Variants in SEMA5B observed in about 807,000 individuals in gnomAD.
SEMA5B encodes semaphorin-5B.
A neutral mutation model predicts 135.0 loss-of-function variants in SEMA5B; 66 were observed. The observed-to-expected ratio is 0.49, with a 90% CI of 0.40 to 0.60. The LOEUF (loss-of-function observed/expected upper bound fraction) is 0.60, where lower values mean the gene tolerates loss of function less well. Among genes scored for constraint, SEMA5B ranks in the 20% least tolerant of loss-of-function variants. The pLI, the probability that SEMA5B is intolerant of heterozygous loss-of-function variation, is 0.00. For synonymous variants in SEMA5B, 690 were observed against 639.5 expected, an observed-to-expected ratio of 1.08 and a Z score of -1.19; for missense variants, 1,501 against 1,566.3, an observed-to-expected ratio of 0.96 and a Z score of 0.70.
At chr3:122,973,821 G>A (rs1442948102) in intron 1 of SEMA5B, among the ~76,000 whole-genome samples, 1 of 152,136 alleles carries the variant, frequency 6.6e-6, no homozygotes, top group Non-Finnish European at 1.5e-5. Flanking sequence ...GGGAAGGGCA[G>A]AGAGGGAGGA....
At chr3:122,988,602 G>C (rs1356310539) in intron 1 of SEMA5B, among the ~76,000 whole-genome samples, 3 of 152,174 alleles carry the variant, frequency 2.0e-5, no homozygotes, top group Non-Finnish European at 4.4e-5. Context: ...GCCAGCCCTG[G>C]GGAGCACAGA....
upstream of SEMA5B, among the ~76,000 whole-genome samples, chr3:123,028,088 C>T (rs1360112162): frequency 6.6e-6 from 1 of 152,178 alleles, no homozygotes; most frequent in Non-Finnish European, 1.5e-5. Context: ...CCCGCCTTGC[C>T]GTTCTCGGTC....
At chr3:122,999,970 G>A (rs1942130055) in intron 1 of SEMA5B, among the ~76,000 whole-genome samples, 1 of 152,228 alleles carries the variant, frequency 6.6e-6, no homozygotes, top group Non-Finnish European at 1.5e-5. Flanking sequence ...AGCACTTTGG[G>A]AGGCTGAGGC....
chr3:122,912,787 G>T, intron 18 of SEMA5B, 56 bp downstream of exon 18: 1 of 1,459,824 alleles, frequency 6.9e-7, no homozygotes, highest in South Asian at 1.3e-5. Flanking sequence ...CGGGGAAGGG[G>T]GCCTCCAGGA....
rs77147011 is a variant in SEMA5B, at chr3:122,953,260, C to T, written c.125-4551G>A. 4.1e-4 allele frequency among the ~76,000 whole-genome samples: 62 copies of T among 152,266 alleles called. No homozygotes were observed. In the East Asian group the frequency reaches 8.7e-3, roughly 21 times the overall value. ...ACCTGTGCTCCCTTCCCAGGCCTCT[C>T]TGCCTCCCCGCCCCAGGTCTGACCA... On this transcript the variant is annotated intron_variant, in intron 2 of 22. Coordinates refer to ENST00000357599, the MANE Select transcript of SEMA5B (RefSeq NM_001031702.4).
intron 5 of SEMA5B, among the ~76,000 whole-genome samples, chr3:122,938,864 A>G (rs1263218245): frequency 1.3e-5 from 2 of 152,254 alleles, no homozygotes; most frequent in African/African-American, 4.8e-5. Context: ...AACGCCTCTC[A>G]GAGCACTTAG....
At chr3:122,956,315 G>A (rs942819807) in intron 2 of SEMA5B, among the ~76,000 whole-genome samples, 2 of 152,230 alleles carry the variant, frequency 1.3e-5, no homozygotes, top group African/African-American at 4.8e-5. Context: ...GCGTGTGAAT[G>A]CACGCGCATG....
At chr3:122,925,453 G>T (rs932553757) in intron 9 of SEMA5B, among the ~76,000 whole-genome samples, 4 of 152,058 alleles carry the variant, frequency 2.6e-5, no homozygotes, top group African/African-American at 9.7e-5. Flanking sequence ...CAGATCACGA[G>T]GTCAGGAGAT....
At chr3:122,972,623 G>T (rs1206196387) in intron 1 of SEMA5B, among the ~76,000 whole-genome samples, 4 of 152,250 alleles carry the variant, frequency 2.6e-5, no homozygotes, top group Non-Finnish European at 5.9e-5. Context: ...GCACTGGGGA[G>T]AGAGACCCCC....
rs1451581789 is a variant in SEMA5B at position 122,929,734 on chromosome 3, C to T, written c.475-676G>A. ...CCACCCCCACTGTCTGCACTTTCCTCCCAGCTTCCCTGGTAGCATCACTCA... is the reference window on the plus strand; with the variant it reads ...CCACCCCCACTGTCTGCACTTTCCTTCCAGCTTCCCTGGTAGCATCACTCA... On this transcript the variant is annotated intron_variant, in intron 5 of 22. Coordinates refer to ENST00000357599, the MANE Select transcript of SEMA5B (RefSeq NM_001031702.4). 1.6e-4 allele frequency among the ~76,000 whole-genome samples: 25 copies of T among 152,162 alleles called. 1 individual carries two copies. Among genetic ancestry groups the T allele is most frequent in the Admixed American group, 1.6e-3 (25 of 15,276 alleles).
In SEMA5B at chr3:122,913,285, G is replaced by A. The variant is rs754616198; in HGVS notation, c.2420C>T (p.Ala807Val). Residue 807 changes from alanine to valine, a missense_variant, in exon 17 of 23, where the codon GCA becomes GTA. This residue lies in a region of SEMA5B where 927 missense variants were observed against 881.6 expected (regional missense o/e 1.05). Transcript: ENST00000357599. ...RFRFTCRAPLADPHGLQFGRR... is the reference protein window; with the variant it reads ...RFRFTCRAPLVDPHGLQFGRR... ...GCCGAACTGCAGGCCGTGCGGGTCT[G>A]CAAGGGGCGCGCGGCAGGTGAAGCG... 3.2e-6 allele frequency: 5 copies of A among 1,583,098 alleles called. No individual in the cohort carries two copies. In the Admixed American group the frequency reaches 8.7e-5, roughly 27 times the overall value.
intron 1 of SEMA5B, among the ~76,000 whole-genome samples, chr3:122,990,302 G>T (rs1393070802): frequency 6.6e-6 from 1 of 152,084 alleles, no homozygotes; most frequent in Non-Finnish European, 1.5e-5. Context: ...TGGAAAGAAG[G>T]GCGATACCTT....
chr3:122,924,089 A>G (rs186243758), intron 9 of SEMA5B, among the ~76,000 whole-genome samples: 19 of 152,292 alleles, frequency 1.2e-4, no homozygotes, highest in Admixed American at 1.2e-3. Context: ...ACTCAGTATA[A>G]TATGCACACA....
intron 1 of SEMA5B, chr3:122,993,281 G>T (rs1420795945): frequency 1.3e-5 from 2 of 152,388 alleles, no homozygotes; most frequent in African/African-American, 4.8e-5. Context: ...ACTGGAAGCA[G>T]CTCGCAGCAC....
Position 122,928,595 on chromosome 3 carries a change from C to A in SEMA5B, c.558G>T (p.Val186=). The A allele has an allele frequency of 3.8e-6, 6 of 1,558,484 alleles. No homozygotes were observed. The highest frequency in any genetic ancestry group is 4.3e-6 in the Non-Finnish European group (5 of 1,150,486). The part of the protein sequence containing the change: ...GKTEEECQNY[V]RVLIVAGRKV... ...TCCGGCCGGCGACGATCAGGACTCG[C>A]ACGTAGTTCTGACACTCCTCCTGAG... The change falls in exon 7 of 23, where the codon GTG becomes GTT. Residue 186 remains valine (V), a synonymous_variant. Coordinates refer to ENST00000357599, the MANE Select transcript of SEMA5B (RefSeq NM_001031702.4).
chr3:122,933,131 G>A (rs1009094577), intron 5 of SEMA5B, among the ~76,000 whole-genome samples: 2 of 151,746 alleles, frequency 1.3e-5, no homozygotes, highest in Non-Finnish European at 2.9e-5. Flanking sequence ...GGCTGCTCTC[G>A]AGGCCTCCTG....
chr3:123,008,516 T>A (rs1044547287), intron 1 of SEMA5B, among the ~76,000 whole-genome samples: 1 of 151,852 alleles, frequency 6.6e-6, no homozygotes, highest in African/African-American at 2.4e-5. Flanking sequence ...GTGGGTGGGA[T>A]CTGAATGGGA....
At chr3:122,972,733 A>T (rs1028375775) in intron 1 of SEMA5B, among the ~76,000 whole-genome samples, 3 of 152,192 alleles carry the variant, frequency 2.0e-5, no homozygotes, top group Admixed American at 1.3e-4. Context: ...CTTCATGTGG[A>T]TGGGTCCTTG....
chr3:122,944,260 A>C (rs978789638), intron 3 of SEMA5B, among the ~76,000 whole-genome samples: 34 of 152,128 alleles, frequency 2.2e-4, no homozygotes, highest in Non-Finnish European at 4.1e-4. Flanking sequence ...ACACTTCCCC[A>C]AATCCATCCC....
Sources: allele counts gnomAD v4.1 joint callset (sites outside exome capture counted in the v4.1 genomes callset), GRCh38; gene constraint gnomAD v4.1.1; regional missense constraint gnomAD v4.1.1; transcripts MANE v1.5; gene names NCBI Gene and HGNC (gene_info 2026-07-23, HGNC 2026-07-21).